Variants in TDRD3 observed in about 807,000 individuals in gnomAD.
TDRD3 encodes the protein tudor domain containing 3, also known as tudor domain-containing protein 3.
TDRD3 carries 45 observed loss-of-function variants against 86.7 expected under a neutral mutation model. The ratio of observed to expected loss-of-function variants is 0.52; its 90% CI spans 0.41 to 0.67. TDRD3 has a LOEUF of 0.67. Among genes scored for constraint, TDRD3 ranks in the 30% least tolerant of loss-of-function variants. The probability of loss-of-function intolerance (pLI) is 0.00; values close to 1 mark genes in which losing one functional copy is unlikely to be tolerated. For synonymous variants in TDRD3, 298 were observed against 301.7 expected (o/e 0.99, Z 0.13); for missense variants, 814 against 889.0 (o/e 0.92, Z 1.07).
chr13:60,460,467 A>T lies in TDRD3; in HGVS notation c.280A>T (p.Met94Leu), dbSNP rs150669749. Residue 94 changes from methionine (M) to leucine (L), a missense_variant, in exon 4 of 14, where the codon ATG (methionine) becomes TTG (leucine). Coordinates refer to ENST00000377881, the MANE Select transcript of TDRD3 (RefSeq NM_001146070.2). ...DNEESQAAPRMLRLQMTDGHI... is the reference protein window; with the variant it reads ...DNEESQAAPRLLRLQMTDGHI... ...TGAAGAATCTCAGGCTGCACCAAGG[A>T]TGCTGCGATTACAGATGACTGATGG... 39 of 1,594,536 alleles carry T rather than the reference A, an allele frequency of 2.4e-5. No individual in the cohort carries two copies. Among genetic ancestry groups the T allele is most frequent in the Non-Finnish European group, 3.2e-5 (38 of 1,174,712 alleles).
intron 4 of TDRD3, among the ~76,000 whole-genome samples, chr13:60,463,236 C>T (rs1955839698): frequency 6.6e-6 from 1 of 151,836 alleles, no homozygotes. Context: ...GTGGCACACA[C>T]CTGTAATCTC....
At chr13:60,463,940 G>A (rs1955858087) in intron 4 of TDRD3, among the ~76,000 whole-genome samples, 2 of 152,148 alleles carry the variant, frequency 1.3e-5, no homozygotes, top group Admixed American at 1.3e-4. Flanking sequence ...GTCATGGAGG[G>A]GCAGAGCCCT....
intron 1 of TDRD3, among the ~76,000 whole-genome samples, chr13:60,424,182 C>T (rs889504702): frequency 1.3e-5 from 2 of 151,678 alleles, no homozygotes; most frequent in African/African-American, 2.4e-5. Flanking sequence ...CCACCATGCC[C>T]GGCTAATTTT....
chr13:60,549,492 C>G (rs1359133082), intron 12 of TDRD3, among the ~76,000 whole-genome samples: 1 of 151,984 alleles, frequency 6.6e-6, no homozygotes, highest in Non-Finnish European at 1.5e-5. Flanking sequence ...ATGTTTCAGG[C>G]CTTCTAGAGC....
chr13:60,482,252 C>A (rs1197639334), intron 5 of TDRD3, among the ~76,000 whole-genome samples: 1 of 152,160 alleles, frequency 6.6e-6, no homozygotes, highest in African/African-American at 2.4e-5. Context: ...AACTGTGAGA[C>A]TGATATTCTA....
intron 12 of TDRD3, among the ~76,000 whole-genome samples, chr13:60,565,111 C>CTGCA (rs1958422522): frequency 1.5e-5 from 2 of 135,936 alleles, no homozygotes; most frequent in Non-Finnish European, 3.0e-5. Context: ...GCCGGAGTGC[C>CTGCA]GTGGCACTGT....
chr13:60,416,226 T>G (rs4886226), intron 1 of TDRD3, among the ~76,000 whole-genome samples: 23,404 of 152,176 alleles, frequency 0.15, 2,041 homozygotes, highest in Admixed American at 0.26. Context: ...GTGTAAAGAT[T>G]TTTAGAGGAA....
intron 12 of TDRD3, among the ~76,000 whole-genome samples, chr13:60,560,171 G>A (rs1044818821): frequency 6.6e-6 from 1 of 152,098 alleles, no homozygotes. Context: ...ACAGCCTAAA[G>A]GTCTCACTGA....
intron 7 of TDRD3, among the ~76,000 whole-genome samples, chr13:60,493,060 A>G (rs1956628720): frequency 6.6e-6 from 1 of 151,232 alleles, no homozygotes; most frequent in South Asian, 2.1e-4. Context: ...CTGGGACTAC[A>G]GGCGCCCGCC....
intron 3 of TDRD3, among the ~76,000 whole-genome samples, chr13:60,457,988 C>T (rs1007268788): frequency 1.1e-4 from 16 of 152,098 alleles, no homozygotes; most frequent in Non-Finnish European, 2.4e-4. Context: ...GAGCCTTGTT[C>T]CCAAACGAGG....
At chr13:60,442,522 C>T (rs888865978) in intron 2 of TDRD3, among the ~76,000 whole-genome samples, 1 of 151,952 alleles carries the variant, frequency 6.6e-6, no homozygotes, top group Non-Finnish European at 1.5e-5. Flanking sequence ...TTCTTGGACC[C>T]AGTCATCGTC....
chr13:60,567,681 A>G (rs1182627131), intron 13 of TDRD3, 31 bp downstream of exon 13: 5 of 1,602,884 alleles, frequency 3.1e-6, no homozygotes, highest in South Asian at 1.1e-5. Flanking sequence ...TGGTTTTCAT[A>G]TAAAGAAAGA....
chr13:60,401,444 G>T (rs1566164721), intron 1 of TDRD3, among the ~76,000 whole-genome samples: 2 of 152,134 alleles, frequency 1.3e-5, no homozygotes, highest in African/African-American at 4.8e-5. Context: ...AGTAGACTTT[G>T]TTATCTGTAG....
intron 12 of TDRD3, among the ~76,000 whole-genome samples, chr13:60,561,250 G>A (rs1958325299): frequency 6.6e-6 from 1 of 152,104 alleles, no homozygotes; most frequent in Non-Finnish European, 1.5e-5. Context: ...TAGGAGTCAA[G>A]TATAGGGTTT....
At chr13:60,548,875 A>G (rs927051850) in intron 12 of TDRD3, among the ~76,000 whole-genome samples, 7 of 152,152 alleles carry the variant, frequency 4.6e-5, no homozygotes, top group Non-Finnish European at 1.0e-4. Flanking sequence ...CAGTAATCCC[A>G]TAGTTGCTAA....
chr13:60,523,315 G>T (rs983357996), intron 10 of TDRD3, among the ~76,000 whole-genome samples: 1 of 152,096 alleles, frequency 6.6e-6, no homozygotes, highest in Non-Finnish European at 1.5e-5. Context: ...AGATTTAAAT[G>T]ATTTGTGACA....
intron 3 of TDRD3, among the ~76,000 whole-genome samples, chr13:60,456,889 T>A (rs1202397077): frequency 6.6e-6 from 1 of 151,890 alleles, no homozygotes; most frequent in Non-Finnish European, 1.5e-5. Context: ...AGAGATGGGG[T>A]CTCCCTATGT....
intron 3 of TDRD3, among the ~76,000 whole-genome samples, chr13:60,445,986 T>G (rs1955388221): frequency 6.6e-6 from 1 of 152,128 alleles, no homozygotes; most frequent in Admixed American, 6.6e-5. Context: ...AGTGGTCTCT[T>G]TAAGATTTCC....
At chr13:60,404,282 C>T (rs1376267704) in intron 1 of TDRD3, among the ~76,000 whole-genome samples, 2 of 150,232 alleles carry the variant, frequency 1.3e-5, no homozygotes, top group East Asian at 1.9e-4. Flanking sequence ...ACAAATAATT[C>T]GTTTTTGTTG....
Sources: allele counts gnomAD v4.1 joint callset (sites outside exome capture counted in the v4.1 genomes callset), GRCh38; gene constraint gnomAD v4.1.1; transcripts MANE v1.5; gene names NCBI Gene and HGNC (gene_info 2026-07-23, HGNC 2026-07-21).